The following PTPRD variants were observed in gnomAD, a reference collection of about 807,000 sequenced individuals.
PTPRD encodes protein tyrosine phosphatase receptor type D, also known as receptor-type tyrosine-protein phosphatase delta.
A neutral mutation model predicts 214.5 loss-of-function variants in PTPRD; 34 were observed. The ratio of observed to expected loss-of-function variants is 0.16; its 90% CI spans 0.12 to 0.21. The LOEUF (loss-of-function observed/expected upper bound fraction) is 0.21, where lower values mean the gene tolerates loss of function less well. PTPRD is among the 10% of genes least tolerant of loss of function. The pLI is 1.00. For missense variants in PTPRD, 2,545 were observed against 2,398.7 expected (o/e 1.06, Z -1.27); for synonymous variants, 1,128 against 845.7 (o/e 1.33, Z -5.79).
intron 17 of PTPRD, among the ~76,000 whole-genome samples, chr9:8,526,124 C>T (rs939029840): frequency 2.6e-5 from 4 of 151,662 alleles, no homozygotes; most frequent in Admixed American, 6.6e-5. Context: ...AAGATAAAGA[C>T]AAAAAGCAGA....
chr9:8,657,543 T>C (rs1016883839), intron 12 of PTPRD, among the ~76,000 whole-genome samples: 22 of 152,206 alleles, frequency 1.4e-4, no homozygotes, highest in African/African-American at 4.8e-4. Flanking sequence ...ATATTAGATA[T>C]CTGTCAGATG....
intron 4 of PTPRD, among the ~76,000 whole-genome samples, chr9:10,032,642 G>A (rs2097104501): frequency 6.6e-6 from 1 of 152,082 alleles, no homozygotes; most frequent in South Asian, 2.1e-4. Flanking sequence ...GCAACATGCA[G>A]TATATCTATT....
intron 10 of PTPRD, among the ~76,000 whole-genome samples, chr9:9,065,911 C>A (rs183550117): frequency 3.3e-5 from 5 of 151,994 alleles, no homozygotes; most frequent in African/African-American, 9.7e-5. Context: ...AATACAGTGC[C>A]TAATTCATAA....
At chr9:9,326,805 A>C (rs4273903) in intron 9 of PTPRD, among the ~76,000 whole-genome samples, 112,582 of 151,908 alleles carry the variant, frequency 0.74, 41,976 homozygotes, top group East Asian at 0.92. Context: ...ATGATTTACT[A>C]GAAGAAACTA....
At position 8,485,242 on chromosome 9, in the gene PTPRD, G is replaced by A. The variant is rs769909807; in HGVS notation, c.3138C>T (p.Ser1046=). The change falls in exon 29 of 46, where the codon TCC becomes TCT. Residue 1046 remains serine (S), a synonymous_variant. Transcript: ENST00000381196. ...AACAACTTACTTTGAAAGGCATGGC[G>A]GAGTTATAATTCTCTGGAATCTCCC... ...LSWEIPENYN[S]AMPFKILYDD... is the part of the protein sequence containing the mutation. 2.7e-5 allele frequency: 44 copies of A among 1,613,504 alleles called. No homozygotes were observed. The highest frequency in any genetic ancestry group is 3.3e-4 in the Middle Eastern group (2 of 6,084).
At chr9:10,383,279 AC>A (rs2097855052) in intron 2 of PTPRD, among the ~76,000 whole-genome samples, 1 of 151,874 alleles carries the variant, frequency 6.6e-6, no homozygotes, top group Admixed American at 6.6e-5. Flanking sequence ...AACATCAAGG[AC>A]CACTATACTC....
chr9:10,135,353 T>C lies in PTPRD; in HGVS notation c.-544-101563A>G, dbSNP rs117867530. Among the ~76,000 whole-genome samples, 119 of 152,174 alleles carry C rather than the reference T, an allele frequency of 7.8e-4. 1 individual carries two copies. The East Asian group carries it at 0.017, about 22-fold the overall frequency. ...TTCCCAATCTCATTAGAGATGCCAA[T>C]ATGCAAATTCAAAAAATACACAGAA... is the stretch of plus-strand genomic sequence containing the variant. On this transcript the variant is annotated intron_variant, in intron 3 of 45. Coordinates refer to ENST00000381196, the MANE Select transcript of PTPRD (RefSeq NM_002839.4).
chr9:8,736,828 C>T (rs2090541279), intron 11 of PTPRD, among the ~76,000 whole-genome samples: 1 of 151,986 alleles, frequency 6.6e-6, no homozygotes, highest in African/African-American at 2.4e-5. Context: ...TGAAAATCAA[C>T]TTATCAAGCA....
At chr9:10,046,000 G>A (rs1329295537) in intron 3 of PTPRD, among the ~76,000 whole-genome samples, 2 of 151,568 alleles carry the variant, frequency 1.3e-5, no homozygotes, top group South Asian at 2.1e-4. Flanking sequence ...AAGAAAGATG[G>A]CATTTTTAAT....
chr9:8,612,538 G>A (rs150512130), intron 14 of PTPRD, among the ~76,000 whole-genome samples: 1 of 152,136 alleles, frequency 6.6e-6, no homozygotes, highest in East Asian at 1.9e-4. Flanking sequence ...AAAACACAAG[G>A]GTCACTTGTC....
intron 8 of PTPRD, among the ~76,000 whole-genome samples, chr9:9,496,586 C>A (rs1396079423): frequency 1.3e-5 from 2 of 152,046 alleles, no homozygotes; most frequent in African/African-American, 4.8e-5. Flanking sequence ...AACAAACAAA[C>A]AAAAAAGAGA....
chr9:10,188,523 A>G (rs2099348051), intron 3 of PTPRD, among the ~76,000 whole-genome samples: 1 of 151,620 alleles, frequency 6.6e-6, no homozygotes, highest in South Asian at 2.1e-4. Context: ...GGAAATAACT[A>G]GCTTTTTCAA....
At chr9:10,511,503 A>T (rs2047990859) in intron 2 of PTPRD, among the ~76,000 whole-genome samples, 1 of 151,216 alleles carries the variant, frequency 6.6e-6, no homozygotes, top group African/African-American at 2.4e-5. Flanking sequence ...TCCTGGGTTC[A>T]TGCAATTACC....
intron 11 of PTPRD, among the ~76,000 whole-genome samples, chr9:8,786,432 CAG>C (rs1227261719): frequency 5.0e-5 from 5 of 100,320 alleles, no homozygotes; most frequent in African/African-American, 1.6e-4. Context: ...TTTTTTGAGA[CAG>C]AGTCTCGCTC....
intron 2 of PTPRD, among the ~76,000 whole-genome samples, chr9:10,419,277 G>C (rs1001965399): frequency 9.9e-5 from 15 of 151,990 alleles, no homozygotes; most frequent in African/African-American, 3.1e-4. Flanking sequence ...CTTTCTGCTA[G>C]TTTCATTTCC....
intron 11 of PTPRD, among the ~76,000 whole-genome samples, chr9:8,845,178 A>AAC (rs2097664213): frequency 1.2e-5 from 1 of 84,306 alleles, no homozygotes; most frequent in African/African-American, 4.2e-5. Context: ...AAAAAAAAAC[A>AAC]AAAACAAAAA....
Position 9,815,468 on chromosome 9 carries a change from TAG to T in PTPRD, c.-367-48619_-367-48618del, listed in dbSNP as rs553490880. 2.3e-3 allele frequency among the ~76,000 whole-genome samples: 354 copies of T among 152,274 alleles called. 3 individuals are homozygous for T. Among genetic ancestry groups the T allele is most frequent in the African/African-American group, 8.2e-3 (342 of 41,550 alleles). ...AAATTGATCTGGGAAATGATTTTTTTAGATGACACCGAAAGCAAAGTCAACAA... is the reference window on the plus strand; with the variant it reads ...AAATTGATCTGGGAAATGATTTTTTTATGACACCGAAAGCAAAGTCAACAA... On this transcript the variant is annotated intron_variant, in intron 5 of 45. Coordinates refer to ENST00000381196, the MANE Select transcript of PTPRD (RefSeq NM_002839.4).
chr9:8,531,421 C>T (rs1017680176), intron 14 of PTPRD, among the ~76,000 whole-genome samples: 6 of 152,032 alleles, frequency 3.9e-5, no homozygotes, highest in Admixed American at 1.3e-4. Flanking sequence ...ATACCACACA[C>T]GTTATGTTAT....
chr9:8,687,206 C>T (rs536511042), intron 12 of PTPRD, among the ~76,000 whole-genome samples: 48 of 151,958 alleles, frequency 3.2e-4, no homozygotes, highest in Non-Finnish European at 6.3e-4. Flanking sequence ...CTCTGGAATA[C>T]ATGGCAGAAA....
Sources: allele counts gnomAD v4.1 joint callset (sites outside exome capture counted in the v4.1 genomes callset), GRCh38; gene constraint gnomAD v4.1.1; transcripts MANE v1.5; gene names NCBI Gene and HGNC (gene_info 2026-07-23, HGNC 2026-07-21).